Variants in NRG1 observed in about 807,000 individuals in gnomAD.
NRG1 encodes the protein neuregulin 1, also known as pro-neuregulin-1, membrane-bound isoform.
Under a neutral mutation model 63.8 loss-of-function variants are expected in NRG1, and 18 were observed. The observed-to-expected ratio is 0.28, with a 90% CI of 0.19 to 0.42. The LOEUF (loss-of-function observed/expected upper bound fraction) is 0.42, where lower values mean the gene tolerates loss of function less well. Among genes scored for constraint, NRG1 ranks in the 10% least tolerant of loss-of-function variants. The pLI, the probability that NRG1 is intolerant of heterozygous loss-of-function variation, is 1.00. For missense variants in NRG1, 762 were observed against 814.7 expected, an observed-to-expected ratio of 0.94 and a Z score of 0.79; for synonymous variants, 302 against 301.3, an observed-to-expected ratio of 1.00 and a Z score of -0.02.
intron 5 of NRG1, among the ~76,000 whole-genome samples, chr8:32,623,732 A>G (rs1848720267): frequency 6.6e-6 from 1 of 152,190 alleles, no homozygotes; most frequent in Non-Finnish European, 1.5e-5. Context: ...TATTCTGTAT[A>G]TGAATATATC....
intron 1 of NRG1, among the ~76,000 whole-genome samples, chr8:31,768,665 T>C (rs965320848): frequency 1.3e-5 from 2 of 152,240 alleles, no homozygotes; most frequent in Non-Finnish European, 2.9e-5. Flanking sequence ...GGAATTCCTT[T>C]AGACTCAGCC....
chr8:31,842,300 AT>A (rs1293400104), intron 1 of NRG1, among the ~76,000 whole-genome samples: 2 of 152,168 alleles, frequency 1.3e-5, no homozygotes, highest in Non-Finnish European at 2.9e-5. Flanking sequence ...TATGTGTCAT[AT>A]CTGATTTATG....
Position 31,640,133 on chromosome 8 carries a change from C to T in NRG1, c.37+702C>T. 8.6e-7 allele frequency: 1 copy of T among 1,161,262 alleles called. No individual in the cohort carries two copies. Among genetic ancestry groups the T allele is most frequent in the Non-Finnish European group, 1.1e-6 (1 of 943,288 alleles). 71.9% of individuals were successfully genotyped at this position (1,161,262 alleles called of 1,614,324 possible). A position where few individuals can be genotyped will look rare whatever the true frequency, so the allele number is the denominator to read the frequency against. The stretch of plus-strand genomic sequence containing the variant: ...GCGGCCCTGGCGCCGGGGGCGGCGG[C>T]CGGCAACGAGGCGGCTCCCGCGGGG... On this transcript the variant is annotated intron_variant, in intron 1 of 10. Coordinates refer to the NRG1 transcript ENST00000519301. The surrounding 1 kb of genome is among the most constrained non-coding windows in gnomAD (Gnocchi z 6.3).
intron 1 of NRG1, among the ~76,000 whole-genome samples, chr8:32,484,926 A>G (rs565359448): frequency 7.2e-5 from 11 of 152,318 alleles, no homozygotes; most frequent in South Asian, 2.1e-4. Flanking sequence ...TTAATCACAA[A>G]GAAGATCAGG....
At chr8:32,280,272 C>A (rs1852561151) in intron 1 of NRG1, among the ~76,000 whole-genome samples, 1 of 152,216 alleles carries the variant, frequency 6.6e-6, no homozygotes, top group South Asian at 2.1e-4. Flanking sequence ...CGCACGCACA[C>A]TTTCTAAAGG....
intron 3 of NRG1, among the ~76,000 whole-genome samples, chr8:32,612,874 T>C (rs1290092241): frequency 2.6e-5 from 4 of 152,030 alleles, no homozygotes; most frequent in African/African-American, 4.8e-5. Context: ...TCTCTTAGTG[T>C]AGGTCCTTTG....
chr8:32,107,923 C>A (rs139451782), intron 1 of NRG1, among the ~76,000 whole-genome samples: 256 of 152,262 alleles, frequency 1.7e-3, no homozygotes, highest in African/African-American at 5.9e-3. Flanking sequence ...AAGGAATGAT[C>A]CTTCACCCCT....
chr8:32,759,227 T>A, intron 9 of NRG1, 79 bp from the exon 10 acceptor site: 2 of 1,471,138 alleles, frequency 1.4e-6, no homozygotes, highest in Admixed American at 2.0e-5. Context: ...GTTAACGTTT[T>A]TATTTACATG....
At chr8:32,692,856 T>A (rs1267112430) in intron 5 of NRG1, among the ~76,000 whole-genome samples, 1 of 152,162 alleles carries the variant, frequency 6.6e-6, no homozygotes, top group Non-Finnish European at 1.5e-5. Flanking sequence ...CCGCCACTCC[T>A]TCGAGATGGC....
At chr8:32,426,714 A>G (rs1335579099) in intron 1 of NRG1, among the ~76,000 whole-genome samples, 1 of 152,200 alleles carries the variant, frequency 6.6e-6, no homozygotes, top group Admixed American at 6.5e-5. Context: ...CACACAAAGC[A>G]TATGCCCAGG....
chr8:32,361,141 A>G lies in NRG1; in HGVS notation c.38-234687A>G, dbSNP rs547463182. ...TAGTAAGGGGTTCTTCAAATGTAAT[A>G]TCTGTTCTCAATTCCTCTTCTCTAT... is the stretch of plus-strand genomic sequence containing the variant. On this transcript the variant is annotated intron_variant, in intron 1 of 10. Transcript: ENST00000519301. Among the ~76,000 whole-genome samples the G allele has an allele frequency of 2.6e-5, 4 of 152,298 alleles. No individual in the cohort carries two copies. The South Asian group carries it at 8.3e-4, about 32-fold the overall frequency.
chr8:32,427,983 T>C (rs1172984719), intron 1 of NRG1, among the ~76,000 whole-genome samples: 2 of 152,222 alleles, frequency 1.3e-5, no homozygotes, highest in African/African-American at 4.8e-5. Context: ...ACAACGGAAG[T>C]TTATTTTCTA....
intron 1 of NRG1, among the ~76,000 whole-genome samples, chr8:31,770,824 T>C (rs1267831718): frequency 6.7e-6 from 1 of 150,120 alleles, no homozygotes; most frequent in Non-Finnish European, 1.5e-5. Flanking sequence ...TTGTGAATTT[T>C]GAAATAGTTT....
At chr8:31,741,935 C>T (rs1270565148) in intron 1 of NRG1, among the ~76,000 whole-genome samples, 1 of 151,954 alleles carries the variant, frequency 6.6e-6, no homozygotes, top group East Asian at 1.9e-4. Context: ...AAAACTGCAA[C>T]TATCCACCAA....
chr8:32,660,548 A>G (rs992757860), intron 5 of NRG1, among the ~76,000 whole-genome samples: 3 of 152,212 alleles, frequency 2.0e-5, no homozygotes, highest in African/African-American at 7.2e-5. Flanking sequence ...AAAAATTCAC[A>G]TCATGGAGTT....
intron 1 of NRG1, among the ~76,000 whole-genome samples, chr8:31,778,279 A>G (rs1466016514): frequency 6.6e-6 from 1 of 152,140 alleles, no homozygotes; most frequent in Non-Finnish European, 1.5e-5. Flanking sequence ...TACTCTCTGC[A>G]ATGCTACATG....
chr8:32,139,933 AT>A (rs1427896814), intron 1 of NRG1, among the ~76,000 whole-genome samples: 1 of 152,072 alleles, frequency 6.6e-6, no homozygotes, highest in Non-Finnish European at 1.5e-5. Flanking sequence ...TGCTTAAGGT[AT>A]TTATCTGTAG....
At chr8:31,657,621 A>T (rs1805559307) in intron 1 of NRG1, among the ~76,000 whole-genome samples, 2 of 152,200 alleles carry the variant, frequency 1.3e-5, no homozygotes, top group African/African-American at 4.8e-5. Context: ...TTTTCAACTA[A>T]TAAAGTTGAA....
Position 32,442,446 on chromosome 8 carries a change from T to G in NRG1, c.38-153382T>G, listed in dbSNP as rs76853943. ...CTTTCTGGTTCACAAAGCAGCTCTG[T>G]TGTTGCTTATTTCCACTACAGGGAA... On this transcript the variant is annotated intron_variant, in intron 1 of 10. Transcript: ENST00000519301. 0.038 allele frequency: 5,815 copies of G among 152,288 alleles called. 151 individuals carry two copies. The highest frequency in any genetic ancestry group is 0.053 in the Non-Finnish European group (3,584 of 68,022). 9.4% of individuals were successfully genotyped at this position (152,288 alleles called of 1,614,324 possible). A position where few individuals can be genotyped will look rare whatever the true frequency, so the allele number is the denominator to read the frequency against.
Sources: allele counts gnomAD v4.1 joint callset (sites outside exome capture counted in the v4.1 genomes callset), GRCh38; gene constraint gnomAD v4.1.1; non-coding constraint Gnocchi (gnomAD v3.1); transcripts MANE v1.5; gene names NCBI Gene and HGNC (gene_info 2026-07-23, HGNC 2026-07-21).